UNC13C: variants seen among roughly 807,000 people sequenced by gnomAD.
UNC13C encodes the protein unc-13 homolog C.
UNC13C carries 174 observed loss-of-function variants against 245.4 expected under a neutral mutation model. The ratio of observed to expected loss-of-function variants is 0.71; its 90% CI spans 0.63 to 0.80. The LOEUF is 0.80. Ranked by LOEUF, UNC13C falls within the 30% of genes least tolerant of loss-of-function variation. The pLI, the probability that UNC13C is intolerant of heterozygous loss-of-function variation, is 0.00. For missense variants in UNC13C, 2,829 were observed against 2,602.9 expected (o/e 1.09, Z -1.89); for synonymous variants, 992 against 895.1 (o/e 1.11, Z -1.93).
At chr15:54,152,392 C>T (rs75270332) in intron 4 of UNC13C, among the ~76,000 whole-genome samples, 2,312 of 152,278 alleles carry the variant, frequency 0.015, 20 homozygotes, top group Admixed American at 0.026. Context: ...TCTCTGTGTT[C>T]AATTTGCTTA....
At chr15:54,585,877 T>C (rs562439637) in intron 30 of UNC13C, among the ~76,000 whole-genome samples, 69 of 152,330 alleles carry the variant, frequency 4.5e-4, no homozygotes, top group Middle Eastern at 3.4e-3. Flanking sequence ...GTCAAACAAC[T>C]TTCATCCTAA....
At chr15:54,458,674 TAAGG>T (rs1891665455) in intron 19 of UNC13C, among the ~76,000 whole-genome samples, 1 of 141,814 alleles carries the variant, frequency 7.1e-6, no homozygotes, top group Non-Finnish European at 1.5e-5. Context: ...ATTGTTCCTT[TAAGG>T]TCTTTTTTTT....
chr15:54,417,018 C>T (rs1248559298), intron 19 of UNC13C: 6 of 455,840 alleles, frequency 1.3e-5, no homozygotes, highest in Non-Finnish European at 2.2e-5. Context: ...TTTCCCTCAC[C>T]GCATTATCTG....
intron 30 of UNC13C, among the ~76,000 whole-genome samples, chr15:54,605,926 C>G (rs1039995439): frequency 5.9e-5 from 9 of 152,182 alleles, no homozygotes; most frequent in African/African-American, 2.2e-4. Flanking sequence ...GGAAAATAAA[C>G]TAGAGCCAAG....
At chr15:54,416,842 G>A (rs1260638623) in intron 19 of UNC13C, 1 of 452,434 alleles carries the variant, frequency 2.2e-6, no homozygotes, top group Non-Finnish European at 4.4e-6. Flanking sequence ...AGCTACTTAA[G>A]CACTTACGGG....
the UNC13C span, among the ~76,000 whole-genome samples, chr15:53,964,034 T>C: frequency 6.6e-6 from 1 of 152,154 alleles, no homozygotes; most frequent in Non-Finnish European, 1.5e-5. Context: ...CCCATCTGTC[T>C]GGAAAGAAAT....
intron 2 of UNC13C, among the ~76,000 whole-genome samples, chr15:54,110,280 CAA>C (rs11343698): frequency 0.015 from 2,178 of 144,520 alleles, 38 homozygotes; most frequent in African/African-American, 0.047. Context: ...GACGCTGCCT[CAA>C]AAAAAAAAAA....
intron 19 of UNC13C, among the ~76,000 whole-genome samples, chr15:54,455,238 T>TATATATATATATATA (rs1416569966): frequency 2.9e-5 from 2 of 70,148 alleles, no homozygotes; most frequent in Non-Finnish European, 5.7e-5. Flanking sequence ...TATATATATA[T>TATATATATATATATA]GTTTTTTAAT....
chr15:53,981,423 T>C (rs1490261404), intron 1 of UNC13C, among the ~76,000 whole-genome samples: 3 of 152,180 alleles, frequency 2.0e-5, no homozygotes, highest in Non-Finnish European at 4.4e-5. Context: ...AATACACTTT[T>C]ATAGCTAGAA....
At chr15:54,567,215 CA>C (rs34847215) in intron 29 of UNC13C, among the ~76,000 whole-genome samples, 2 of 151,174 alleles carry the variant, frequency 1.3e-5, no homozygotes, top group African/African-American at 4.9e-5. Flanking sequence ...ATAAAAATAG[CA>C]AAAAAAAGTA....
At chr15:54,237,769 A>G (rs1169540914) in intron 7 of UNC13C, 79 bp downstream of exon 7, 1 of 1,199,260 alleles carries the variant, frequency 8.3e-7, no homozygotes, top group Non-Finnish European at 1.2e-6. Context: ...TGCTTGAGCT[A>G]CTCATCTGTG....
intron 2 of UNC13C, among the ~76,000 whole-genome samples, chr15:54,062,204 AGCTACTCGGGAG>A (rs1240253495): frequency 6.6e-6 from 1 of 151,944 alleles, no homozygotes; most frequent in African/African-American, 2.4e-5. Context: ...CTGTAATCCC[AGCTACTCGGGAG>A]GCTAAGGCAG....
rs1446018314 is a variant in UNC13C, at chr15:54,218,080, G to C, written c.3072-16950G>C. Among the ~76,000 whole-genome samples, 3 of 151,918 alleles carry C rather than the reference G, an allele frequency of 2.0e-5. No individual in the cohort carries two copies. In the East Asian group the frequency reaches 5.8e-4, roughly 29 times the overall value. On this transcript the variant is annotated intron_variant, in intron 4 of 32. Transcript: ENST00000260323. Reference sequence around the variant, plus strand: ...TTTAAAAAATTTGTATTATAGTGGAGACATTCCCTGTGAACAAACAAAATG... The same window carrying C: ...TTTAAAAAATTTGTATTATAGTGGACACATTCCCTGTGAACAAACAAAATG...
intron 18 of UNC13C, among the ~76,000 whole-genome samples, chr15:54,397,072 T>C (rs1336759314): frequency 6.6e-6 from 1 of 151,452 alleles, no homozygotes; most frequent in Admixed American, 6.6e-5. Flanking sequence ...TCTTTTATAG[T>C]TTAAGCTTTT....
chr15:54,113,081 G>A (rs145203993), intron 2 of UNC13C, among the ~76,000 whole-genome samples: 6 of 131,250 alleles, frequency 4.6e-5, no homozygotes, highest in African/African-American at 1.5e-4. Context: ...ATCATGTTAG[G>A]CGAGATTTTT....
chr15:54,007,279 A>G (rs1566944366), intron 1 of UNC13C, among the ~76,000 whole-genome samples: 1 of 152,192 alleles, frequency 6.6e-6, no homozygotes, highest in Admixed American at 6.5e-5. Context: ...AGGTTATTCT[A>G]TTAGTCTAGG....
At chr15:54,032,093 A>G (rs1896381395) in intron 2 of UNC13C, among the ~76,000 whole-genome samples, 1 of 152,188 alleles carries the variant, frequency 6.6e-6, no homozygotes, top group South Asian at 2.1e-4. Context: ...ATGATTATAG[A>G]ATGAGGAAAT....
At chr15:54,523,737 A>G (rs1895326432) in intron 24 of UNC13C, among the ~76,000 whole-genome samples, 1 of 152,188 alleles carries the variant, frequency 6.6e-6, no homozygotes, top group Non-Finnish European at 1.5e-5. Context: ...CACATTTTAA[A>G]TAAGAAGCAA....
intron 26 of UNC13C, among the ~76,000 whole-genome samples, chr15:54,535,954 G>A (rs1243676073): frequency 2.0e-5 from 3 of 151,968 alleles, no homozygotes; most frequent in East Asian, 3.9e-4. Context: ...TAAACCAACC[G>A]AAAAGCCAGC....
Sources: gnomAD v4.1 joint callset for allele counts (sites outside exome capture counted in the v4.1 genomes callset) on GRCh38, gnomAD v4.1.1 for gene constraint, MANE v1.5 for transcripts, NCBI Gene and HGNC (gene_info 2026-07-23, HGNC 2026-07-21) for gene names.